The following TCP11L2 variants were observed in gnomAD, a reference collection of about 807,000 sequenced individuals.
The protein encoded by TCP11L2 is T-complex protein 11-like protein 2.
A neutral mutation model predicts 50.7 loss-of-function variants in TCP11L2; 39 were observed. The ratio of observed to expected loss-of-function variants is 0.77; its 90% CI spans 0.60 to 1.01. TCP11L2 has a LOEUF of 1.01. TCP11L2 is among the 50% of genes least tolerant of loss of function. TCP11L2 has a pLI of 0.00. For synonymous variants in TCP11L2, 192 were observed against 219.3 expected, an observed-to-expected ratio of 0.88 and a Z score of 1.10; for missense variants, 612 against 614.7, an observed-to-expected ratio of 1.00 and a Z score of 0.05.
At chr12:106,336,769 T>G (rs1666245775) in intron 8 of TCP11L2, among the ~76,000 whole-genome samples, 1 of 152,128 alleles carries the variant, frequency 6.6e-6, no homozygotes, top group Non-Finnish European at 1.5e-5. Context: ...GCCAGGATGG[T>G]CTCGATCTCT....
At chr12:106,319,202 C>T (rs944478240) in intron 4 of TCP11L2, among the ~76,000 whole-genome samples, 5 of 152,214 alleles carry the variant, frequency 3.3e-5, no homozygotes, top group East Asian at 1.9e-4. Context: ...TGAGCCACCG[C>T]GCCCAGCCTA....
At chr12:106,307,216 A>C (rs1045856170) in intron 1 of TCP11L2, 2 of 152,250 alleles carry the variant, frequency 1.3e-5, no homozygotes, top group Non-Finnish European at 2.9e-5. Context: ...CATTATATTT[A>C]TTATCACAAA....
upstream of TCP11L2, among the ~76,000 whole-genome samples, chr12:106,299,999 G>A (rs1257128482): frequency 2.6e-5 from 4 of 151,944 alleles, no homozygotes; most frequent in African/African-American, 9.7e-5. Flanking sequence ...AAGAGTGATA[G>A]ACCACATTTA....
chr12:106,329,337 C>A, intron 6 of TCP11L2: 1 of 1,536,050 alleles, frequency 6.5e-7, no homozygotes. Context: ...CAGGAAAAGC[C>A]GAGGTTGCAG....
intron 8 of TCP11L2, 46 bp from the exon 9 acceptor site, chr12:106,340,780 A>T: frequency 6.6e-7 from 1 of 1,508,346 alleles, no homozygotes; most frequent in Non-Finnish European, 8.9e-7. Context: ...TAATAACTTG[A>T]TGAACAAAAA....
chr12:106,317,204 C>T (rs1333601315), intron 3 of TCP11L2, among the ~76,000 whole-genome samples: 12 of 152,206 alleles, frequency 7.9e-5, no homozygotes, highest in Admixed American at 7.9e-4. Flanking sequence ...AGAGTTAGGA[C>T]ACATTGCCTT....
intron 4 of TCP11L2, 35 bp from the exon 5 acceptor site, chr12:106,321,451 C>A (rs776617267): frequency 6.5e-7 from 1 of 1,540,216 alleles, no homozygotes; most frequent in Non-Finnish European, 8.9e-7. Flanking sequence ...TTATTCACAT[C>A]ATGATGCTGT....
chr12:106,335,364 G>A (rs925606962), intron 6 of TCP11L2, among the ~76,000 whole-genome samples: 1 of 152,186 alleles, frequency 6.6e-6, no homozygotes, highest in African/African-American at 2.4e-5. Flanking sequence ...CATCTAGAAT[G>A]TGCCATATGC....
chr12:106,311,259 T>C (rs2034844264), intron 2 of TCP11L2, 27 bp downstream of exon 2: 1 of 1,609,460 alleles, frequency 6.2e-7, no homozygotes, highest in Non-Finnish European at 8.5e-7. Flanking sequence ...GCAGGGGTTG[T>C]GGGTGGCAGG....
chr12:106,320,761 C>T (rs932009816), intron 4 of TCP11L2, among the ~76,000 whole-genome samples: 8 of 152,290 alleles, frequency 5.3e-5, no homozygotes, highest in African/African-American at 1.4e-4. Flanking sequence ...ATAAAGTCTT[C>T]GATAGTCATA....
intron 8 of TCP11L2, among the ~76,000 whole-genome samples, chr12:106,338,893 C>A (rs536704110): frequency 3.9e-5 from 6 of 152,324 alleles, no homozygotes; most frequent in African/African-American, 9.6e-5. Flanking sequence ...GTAATCCCAG[C>A]ATTCTAGGAG....
At chr12:106,319,196 C>T (rs990279112) in intron 4 of TCP11L2, among the ~76,000 whole-genome samples, 9 of 152,206 alleles carry the variant, frequency 5.9e-5, no homozygotes, top group African/African-American at 9.6e-5. Context: ...CAGGCGTGAG[C>T]CACCGCGCCC....
At chr12:106,302,553 C>T (rs888100384), upstream of TCP11L2, among the ~76,000 whole-genome samples, 5 of 151,638 alleles carry the variant, frequency 3.3e-5, no homozygotes, top group Admixed American at 1.3e-4. Context: ...ACTCGCCGCG[C>T]GGGGGAACCG....
At chr12:106,307,817 A>G (rs2034691988) in intron 1 of TCP11L2, among the ~76,000 whole-genome samples, 1 of 152,214 alleles carries the variant, frequency 6.6e-6, no homozygotes, top group African/African-American at 2.4e-5. Context: ...TGAGGCAATG[A>G]TATTAACAAA....
At chr12:106,304,810 G>A (rs1425280743) in intron 1 of TCP11L2, among the ~76,000 whole-genome samples, 3 of 152,128 alleles carry the variant, frequency 2.0e-5, no homozygotes, top group East Asian at 3.9e-4. Context: ...TTGCTAATAC[G>A]TGGGGTCTAA....
intron 6 of TCP11L2, chr12:106,325,367 T>C (rs1458699087): frequency 6.7e-6 from 1 of 149,490 alleles, no homozygotes; most frequent in Non-Finnish European, 1.5e-5. Context: ...AGGAGGAGGG[T>C]CTAACAATGG....
chr12:106,327,674 T>C (rs2035605775), intron 6 of TCP11L2, among the ~76,000 whole-genome samples: 1 of 152,204 alleles, frequency 6.6e-6, no homozygotes, highest in South Asian at 2.1e-4. Flanking sequence ...CAAGTCACTC[T>C]GCCAAAAGTC....
At chr12:106,341,559 A>G (rs2036095106) in intron 9 of TCP11L2, among the ~76,000 whole-genome samples, 1 of 152,216 alleles carries the variant, frequency 6.6e-6, no homozygotes, top group Non-Finnish European at 1.5e-5. Context: ...AAACTAGCTT[A>G]AACAAAATGA....
chr12:106,312,256 C>CTTTT, intron 2 of TCP11L2: 1 of 313,244 alleles, frequency 3.2e-6, no homozygotes. Context: ...ATTTAGTTTC[C>CTTTT]ATTTTTTTTT....
Sources: gnomAD v4.1 joint callset for allele counts (sites outside exome capture counted in the v4.1 genomes callset) on GRCh38, gnomAD v4.1.1 for gene constraint, MANE v1.5 for transcripts, NCBI Gene and HGNC (gene_info 2026-07-23, HGNC 2026-07-21) for gene names.